CFAP300: variants seen among roughly 807,000 people sequenced by gnomAD.
CFAP300 encodes the protein cilia and flagella associated protein 300.
CFAP300 carries 32 observed loss-of-function variants against 33.0 expected under a neutral mutation model. The observed-to-expected ratio is 0.97, with a 90% CI of 0.73 to 1.30. The LOEUF is 1.30. Among genes scored for constraint, CFAP300 ranks in the 50% most tolerant of loss-of-function variants. CFAP300 has a pLI of 0.00. For missense variants in CFAP300, 356 were observed against 318.1 expected (o/e 1.12, Z -0.90); for synonymous variants, 102 against 106.8 (o/e 0.95, Z 0.28).
chr11:102,047,492 G>A lies in CFAP300; in HGVS notation c.22G>A (p.Asp8Asn). MATGELG[D>N]LGGYYFRFLP... ...CACGATGGCTACTGGGGAGCTCGGG[G>A]ACTTGGGTGGCTACTACTTCAGGTT... is the stretch of plus-strand genomic sequence containing the variant. The change falls in exon 1 of 7, where the codon GAC becomes AAC. Residue 8 changes from aspartate (D) to asparagine (N), a missense_variant. Asp to Asn is a conservative substitution (Grantham distance 23). Transcript: ENST00000434758. 1 of 1,535,998 alleles carries A rather than the reference G, an allele frequency of 6.5e-7. No homozygotes were observed. Among genetic ancestry groups the A allele is most frequent in the East Asian group, 2.4e-5 (1 of 40,904 alleles).
intron 2 of CFAP300, among the ~76,000 whole-genome samples, chr11:102,049,156 G>T (rs1941931904): frequency 6.6e-6 from 1 of 152,234 alleles, no homozygotes; most frequent in Admixed American, 6.5e-5. Flanking sequence ...GAGGCTAGAA[G>T]TCTTAAATCA....
intron 6 of CFAP300, among the ~76,000 whole-genome samples, chr11:102,082,011 A>G (rs1942481078): frequency 6.6e-6 from 1 of 152,180 alleles, no homozygotes; most frequent in South Asian, 2.1e-4. Context: ...ATCTTCATTC[A>G]ATCACTTAAC....
chr11:102,071,065 G>C (rs1421204152), intron 4 of CFAP300, among the ~76,000 whole-genome samples: 1 of 152,126 alleles, frequency 6.6e-6, no homozygotes, highest in East Asian at 1.9e-4. Context: ...CTAGAGTGCA[G>C]TTTAAATCCA....
At chr11:102,048,633 G>A (rs10791552) in intron 2 of CFAP300, among the ~76,000 whole-genome samples, 65,074 of 151,900 alleles carry the variant, frequency 0.43, 14,174 homozygotes, top group East Asian at 0.67. Context: ...CTGGGCTTCA[G>A]GCTCTACCAA....
chr11:102,051,155 T>C (rs1941963482), intron 2 of CFAP300, among the ~76,000 whole-genome samples: 1 of 152,108 alleles, frequency 6.6e-6, no homozygotes, highest in Non-Finnish European at 1.5e-5. Flanking sequence ...GTAGAAAACA[T>C]GGAAGAATTA....
intron 4 of CFAP300, among the ~76,000 whole-genome samples, chr11:102,070,863 C>A (rs1049894009): frequency 1.3e-5 from 2 of 152,048 alleles, no homozygotes; most frequent in Non-Finnish European, 2.9e-5. Context: ...TCCAAAATTT[C>A]TTTTGTTATT....
At chr11:102,079,512 T>A (rs1280381558) in intron 5 of CFAP300, among the ~76,000 whole-genome samples, 1 of 152,180 alleles carries the variant, frequency 6.6e-6, no homozygotes, top group Admixed American at 6.5e-5. Flanking sequence ...CCTAAGATTG[T>A]TGAACCCTGA....
At chr11:102,079,663 T>C (rs903271532) in intron 5 of CFAP300, among the ~76,000 whole-genome samples, 4 of 152,198 alleles carry the variant, frequency 2.6e-5, no homozygotes, top group African/African-American at 9.7e-5. Context: ...ATGTAGTAGA[T>C]GGAGAAGCAA....
At position 102,054,728 on chromosome 11, in the gene CFAP300, C is replaced by CA. The variant is rs542071172; in HGVS notation, c.193-4131dup. Among the ~76,000 whole-genome samples the CA allele has an allele frequency of 1.6e-3, 112 of 70,734 alleles. 3 individuals carry two copies. The highest frequency in any genetic ancestry group is 1.9e-3 in the South Asian group (3 of 1,580). The allele number at this position is 70,734 out of a possible 152,430, so 46.4% of individuals were successfully genotyped here. On this transcript the variant is annotated intron_variant, in intron 2 of 6. Transcript: ENST00000434758. ...TGAATGACAGAGCAAGACTTGGTCT[C>CA]AAAAAAAAAAAAAAAAAAAAAGTGA...
intron 4 of CFAP300, among the ~76,000 whole-genome samples, chr11:102,068,239 T>C (rs1591322331): frequency 6.6e-6 from 1 of 152,352 alleles, no homozygotes; most frequent in Admixed American, 6.5e-5. Context: ...ACAAGTCTGA[T>C]GTATTACAAA....
intron 4 of CFAP300, among the ~76,000 whole-genome samples, chr11:102,072,999 G>A (rs1157074633): frequency 1.3e-5 from 2 of 152,098 alleles, no homozygotes; most frequent in African/African-American, 4.8e-5. Context: ...GCCAGTTTTT[G>A]GGCCCCAGTA....
At chr11:102,069,286 A>G (rs1186979394) in intron 4 of CFAP300, among the ~76,000 whole-genome samples, 1 of 152,142 alleles carries the variant, frequency 6.6e-6, no homozygotes, top group Non-Finnish European at 1.5e-5. Flanking sequence ...CTTCAGCCTG[A>G]ACTAAAAAGG....
intron 6 of CFAP300, among the ~76,000 whole-genome samples, chr11:102,082,552 C>T (rs1186726297): frequency 1.3e-5 from 2 of 151,982 alleles, no homozygotes; most frequent in African/African-American, 4.8e-5. Flanking sequence ...ATATGTATTC[C>T]TATCATAGTA....
At chr11:102,082,823 C>G (rs1942493386) in intron 6 of CFAP300, among the ~76,000 whole-genome samples, 1 of 151,974 alleles carries the variant, frequency 6.6e-6, no homozygotes, top group Admixed American at 6.6e-5. Context: ...ATGCTGAAAC[C>G]CTGTCTCTAC....
intron 2 of CFAP300, among the ~76,000 whole-genome samples, chr11:102,058,128 A>G (rs558128535): frequency 6.6e-6 from 1 of 152,028 alleles, no homozygotes; most frequent in Non-Finnish European, 1.5e-5. Flanking sequence ...AGTTCTGCAT[A>G]TGATTTTGGA....
intron 4 of CFAP300, among the ~76,000 whole-genome samples, chr11:102,073,165 T>C (rs1204184142): frequency 6.6e-6 from 1 of 152,132 alleles, no homozygotes; most frequent in East Asian, 1.9e-4. Flanking sequence ...TGTGGATGTG[T>C]GTTTGGGTCC....
chr11:102,074,422 T>C (rs1942367149), intron 4 of CFAP300, among the ~76,000 whole-genome samples: 1 of 152,162 alleles, frequency 6.6e-6, no homozygotes, highest in Admixed American at 6.5e-5. Flanking sequence ...CTCTCCAGAC[T>C]CCCAGCCAAT....
At chr11:102,078,688 A>G (rs1942433919) in intron 5 of CFAP300, among the ~76,000 whole-genome samples, 1 of 152,150 alleles carries the variant, frequency 6.6e-6, no homozygotes, top group South Asian at 2.1e-4. Context: ...TCTTTCTAAA[A>G]CAATTACTTG....
chr11:102,062,502 A>G (rs551477512), intron 3 of CFAP300, among the ~76,000 whole-genome samples: 1 of 152,312 alleles, frequency 6.6e-6, no homozygotes, highest in Admixed American at 6.5e-5. Flanking sequence ...TCTTTGTTAT[A>G]AAGTGGCAAA....
Sources: gnomAD v4.1 joint callset for allele counts (sites outside exome capture counted in the v4.1 genomes callset) on GRCh38, gnomAD v4.1.1 for gene constraint, MANE v1.5 for transcripts, NCBI Gene and HGNC (gene_info 2026-07-23, HGNC 2026-07-21) for gene names.